Variants in FNIP2 observed in about 807,000 individuals in gnomAD.
The protein encoded by FNIP2 is folliculin interacting protein 2, also known as folliculin-interacting protein 2.
A neutral mutation model predicts 108.7 loss-of-function variants in FNIP2; 32 were observed. That is an observed-to-expected ratio of 0.29 (90% CI 0.22 to 0.40). The LOEUF (loss-of-function observed/expected upper bound fraction) is 0.40. Among genes scored for constraint, FNIP2 ranks in the 10% least tolerant of loss-of-function variants. FNIP2 has a pLI of 1.00. For synonymous variants in FNIP2, 480 were observed against 496.7 expected (o/e 0.97, Z 0.45); for missense variants, 1,202 against 1,381.6 (o/e 0.87, Z 2.06).
intron 1 of FNIP2, among the ~76,000 whole-genome samples, chr4:158,805,164 T>C (rs1776901941): frequency 6.6e-6 from 1 of 152,162 alleles, no homozygotes; most frequent in Non-Finnish European, 1.5e-5. Context: ...CATTTAAAAA[T>C]TGCTGAAGCC....
intron 1 of FNIP2, among the ~76,000 whole-genome samples, chr4:158,812,512 C>G (rs1777335878): frequency 6.6e-6 from 1 of 152,114 alleles, no homozygotes; most frequent in Non-Finnish European, 1.5e-5. Context: ...AATCCTGTCA[C>G]AAATTTTTAA....
Position 158,861,499 on chromosome 4 carries a change from A to T in FNIP2, c.1295+11A>T. 2 of 1,613,782 alleles carry T rather than the reference A, an allele frequency of 1.2e-6. No individual in the cohort carries two copies. Among genetic ancestry groups the T allele is most frequent in the Non-Finnish European group, 1.7e-6 (2 of 1,179,862 alleles). On this transcript the variant is annotated intron_variant, in intron 11 of 16. Coordinates refer to ENST00000264433, the MANE Select transcript of FNIP2 (RefSeq NM_020840.3). Reference sequence around the variant, plus strand: ...GATAAATAAAAACCAGTAAGCTTCAACTCTCTGGAGACTTGTATGCAAATC... The same window carrying T: ...GATAAATAAAAACCAGTAAGCTTCATCTCTCTGGAGACTTGTATGCAAATC...
rs772855297 is a variant in FNIP2 at position 158,868,501 on chromosome 4, C to T, written c.1865C>T (p.Pro622Leu). Residue 622 changes from proline to leucine, a missense_variant, in exon 13 of 17, where the codon CCA (proline) becomes CTA (leucine). Pro to Leu is a moderately conservative substitution (Grantham distance 98). Coordinates refer to ENST00000264433, the MANE Select transcript of FNIP2 (RefSeq NM_020840.3). The surrounding 1 kb of genome is among the most constrained non-coding windows in gnomAD (Gnocchi z 4.6). ...LKPDKEANRR[P>L]EQGSEACSAG... The stretch of plus-strand genomic sequence containing the variant: ...CCTGACAAAGAAGCTAACAGGAGGC[C>T]AGAGCAGGGTTCTGAGGCTTGCAGC... 2.5e-6 allele frequency: 4 copies of T among 1,613,876 alleles called. No homozygotes were observed. In the South Asian group the frequency reaches 4.4e-5, roughly 18 times the overall value.
intron 1 of FNIP2, among the ~76,000 whole-genome samples, chr4:158,792,242 A>G (rs1352022245): frequency 6.6e-6 from 1 of 152,224 alleles, no homozygotes; most frequent in Non-Finnish European, 1.5e-5. Flanking sequence ...ACTCATGGAC[A>G]TATGCAGAGT....
chr4:158,802,828 T>C (rs767059456), intron 1 of FNIP2, among the ~76,000 whole-genome samples: 35 of 152,338 alleles, frequency 2.3e-4, no homozygotes, highest in Admixed American at 4.6e-4. Context: ...GACTTGTGTC[T>C]TGAGTACCAG....
chr4:158,805,500 T>G (rs1776915120), intron 1 of FNIP2, among the ~76,000 whole-genome samples: 1 of 152,198 alleles, frequency 6.6e-6, no homozygotes, highest in Admixed American at 6.5e-5. Context: ...GTGCAAGAGT[T>G]CTGAGGGTTT....
chr4:158,828,760 A>G (rs910432637), intron 2 of FNIP2, among the ~76,000 whole-genome samples: 4 of 152,246 alleles, frequency 2.6e-5, no homozygotes, highest in Admixed American at 6.5e-5. Context: ...GACTCTACAT[A>G]ATACTAAAAA....
intron 15 of FNIP2, among the ~76,000 whole-genome samples, chr4:158,894,110 G>A (rs1398308760): frequency 6.6e-5 from 10 of 151,450 alleles, no homozygotes; most frequent in African/African-American, 2.4e-4. Flanking sequence ...CCAGAAAGAG[G>A]AGTTTAAAAA....
chr4:158,872,863 AT>A (rs1455665727), intron 14 of FNIP2: 11 of 677,046 alleles, frequency 1.6e-5, no homozygotes, highest in Non-Finnish European at 2.0e-5. Context: ...CCTAGTGAAT[AT>A]TTAAATTCTT....
intron 1 of FNIP2, among the ~76,000 whole-genome samples, chr4:158,821,686 A>G (rs1356854603): frequency 6.6e-6 from 1 of 152,228 alleles, no homozygotes; most frequent in Non-Finnish European, 1.5e-5. Context: ...AGAAGTTCCC[A>G]AAACTATAAA....
chr4:158,846,128 G>A (rs1207398765), intron 7 of FNIP2, among the ~76,000 whole-genome samples: 1 of 152,176 alleles, frequency 6.6e-6, no homozygotes, highest in African/African-American at 2.4e-5. Context: ...TGGGTTAAGT[G>A]TTGTATGTGT....
intron 15 of FNIP2, among the ~76,000 whole-genome samples, chr4:158,895,463 AAC>A (rs1392910581): frequency 8.5e-5 from 13 of 152,248 alleles, no homozygotes; most frequent in African/African-American, 2.2e-4. Flanking sequence ...AAAGGCAAGA[AAC>A]ACTTTTGGAA....
At chr4:158,771,814 T>TTA (rs1775708081) in intron 1 of FNIP2, among the ~76,000 whole-genome samples, 1 of 152,212 alleles carries the variant, frequency 6.6e-6, no homozygotes, top group South Asian at 2.1e-4. Context: ...CTTTCACTGG[T>TTA]TATTTTAAAC....
At chr4:158,879,973 G>A (rs1781492597) in intron 14 of FNIP2, among the ~76,000 whole-genome samples, 13 of 148,162 alleles carry the variant, frequency 8.8e-5, no homozygotes, top group African/African-American at 2.3e-4. Context: ...GGAGAAATAG[G>A]AACACTTTTA....
chr4:158,809,097 A>C (rs1009976756), intron 1 of FNIP2, among the ~76,000 whole-genome samples: 2 of 152,182 alleles, frequency 1.3e-5, no homozygotes, highest in African/African-American at 4.8e-5. Flanking sequence ...AAAAACTACC[A>C]AGTTTGATGA....
At chr4:158,772,211 T>C (rs776363371) in intron 1 of FNIP2, among the ~76,000 whole-genome samples, 1 of 152,228 alleles carries the variant, frequency 6.6e-6, no homozygotes, top group Non-Finnish European at 1.5e-5. Context: ...ATTTGAATAA[T>C]GCTTCGTACC....
chr4:158,771,712 G>A (rs925967873), intron 1 of FNIP2, among the ~76,000 whole-genome samples: 7 of 152,114 alleles, frequency 4.6e-5, no homozygotes, highest in Admixed American at 4.6e-4. Flanking sequence ...AGACTTTTGG[G>A]GCAGTTTTGT....
In FNIP2 at chr4:158,884,054, T is replaced by C. The variant is rs1403297159; in HGVS notation, c.2950-7392T>C. Among the ~76,000 whole-genome samples the C allele has an allele frequency of 2.0e-5, 3 of 151,014 alleles. No homozygotes were observed. The Admixed American group carries it at 2.0e-4, about 10-fold the overall frequency. ...GGCATGATGAATTAATAAGTAGTTA[T>C]GGGAAGCATATATGCAAGAACGGCA... On this transcript the variant is annotated intron_variant, in intron 14 of 16. Coordinates refer to ENST00000264433, the MANE Select transcript of FNIP2 (RefSeq NM_020840.3).
intron 1 of FNIP2, among the ~76,000 whole-genome samples, chr4:158,772,993 C>T (rs1369891143): frequency 6.6e-6 from 1 of 152,138 alleles, no homozygotes; most frequent in East Asian, 1.9e-4. Context: ...TTACTCTTCC[C>T]TCACATGGAG....
Sources: allele counts gnomAD v4.1 joint callset (sites outside exome capture counted in the v4.1 genomes callset), GRCh38; gene constraint gnomAD v4.1.1; non-coding constraint Gnocchi (gnomAD v3.1); transcripts MANE v1.5; gene names NCBI Gene and HGNC (gene_info 2026-07-23, HGNC 2026-07-21).